The following ZBTB21 variants were observed in gnomAD, a reference collection of about 807,000 sequenced individuals.
The protein encoded by ZBTB21 is zinc finger and BTB domain-containing protein 21.
Under a neutral mutation model 39.8 loss-of-function variants are expected in ZBTB21, and 10 were observed. The observed-to-expected ratio is 0.25, with a 90% CI of 0.16 to 0.43. The LOEUF (loss-of-function observed/expected upper bound fraction) is 0.43, where lower values mean the gene tolerates loss of function less well. ZBTB21 is among the 20% of genes least tolerant of loss of function. ZBTB21 has a pLI of 1.00. For synonymous variants in ZBTB21, 551 were observed against 498.8 expected, an observed-to-expected ratio of 1.10 and a Z score of -1.40; for missense variants, 1,221 against 1,296.3, an observed-to-expected ratio of 0.94 and a Z score of 0.89.
chr21:42,008,368 A>AAAAAAAAAAAAC (rs34519332), intron 1 of ZBTB21, among the ~76,000 whole-genome samples: 1 of 146,780 alleles, frequency 6.8e-6, no homozygotes. Flanking sequence ...AAAAAAAAAA[A>AAAAAAAAAAAAC]TTAGCTGGGC....
chr21:41,993,688 A>C lies in ZBTB21; in HGVS notation c.408T>G (p.Phe136Leu). 1 of 1,614,100 alleles carries C rather than the reference A, an allele frequency of 6.2e-7. No homozygotes were observed. The highest frequency in any genetic ancestry group is 8.5e-7 in the Non-Finnish European group (1 of 1,180,028). Reference protein sequence around the residue: ...FPTCPNRKKVFVEDDENSSQK... With the variant: ...FPTCPNRKKVLVEDDENSSQK... ...GAGAACTGTTTTCATCATCTTCTAC[A>C]AACACTTTTTTTCTATTAGGACACG... Residue 136 changes from phenylalanine (F) to leucine (L), a missense_variant, in exon 3 of 3, where the codon TTT becomes TTG. By Grantham distance (22) the Phe-to-Leu change is conservative (BLOSUM62 0). Around this residue, in one of 4 missense-constraint regions of ZBTB21, gnomAD observed 500 missense variants for 465.6 expected, o/e 1.07. Coordinates refer to ENST00000310826, the MANE Select transcript of ZBTB21 (RefSeq NM_001098402.2).
rs1183822195 is a variant in ZBTB21 at position 42,010,352 on chromosome 21, T to G, written c.-179A>C. Reference sequence around the variant, plus strand: ...CCGCTGTGATTCCATCCATCTTGAATTTGACGTCATCCCACACCAGGGATG... The same window carrying G: ...CCGCTGTGATTCCATCCATCTTGAAGTTGACGTCATCCCACACCAGGGATG... On this transcript the variant is annotated 5_prime_UTR_variant, in exon 1 of 3. Coordinates refer to ENST00000310826, the MANE Select transcript of ZBTB21 (RefSeq NM_001098402.2). 1.8e-5 allele frequency: 7 copies of G among 396,136 alleles called. No individual in the cohort carries two copies. The highest frequency in any genetic ancestry group is 3.1e-5 in the Non-Finnish European group (7 of 224,616). 24.5% of individuals were successfully genotyped at this position (396,136 alleles called of 1,614,324 possible).
intron 2 of ZBTB21, among the ~76,000 whole-genome samples, chr21:41,994,358 T>C (rs1457079051): frequency 6.6e-6 from 1 of 152,136 alleles, no homozygotes; most frequent in East Asian, 1.9e-4. Context: ...TTGTATATCA[T>C]CAAAAAGGCT....
In ZBTB21 at chr21:41,993,191, C is replaced by A. The variant is rs201785777; in HGVS notation, c.905G>T (p.Gly302Val). The part of the protein sequence containing the change: ...LKETNKGNGQ[G>V]EDRNLLYYSK... ...ATAGTACAACAAGTTTCTATCTTCA[C>A]CTTGACCATTTCCTTTGTTAGTTTC... Residue 302 changes from glycine to valine, a missense_variant, in exon 3 of 3, where the codon GGT (glycine) becomes GTT (valine). By Grantham distance (109) the Gly-to-Val change is moderately radical. Around this residue, in one of 4 missense-constraint regions of ZBTB21, gnomAD observed 500 missense variants for 465.6 expected, o/e 1.07. Transcript: ENST00000310826. 10 of 1,613,370 alleles carry A rather than the reference C, an allele frequency of 6.2e-6. No individual in the cohort carries two copies. The Admixed American group carries it at 1.7e-4, about 27-fold the overall frequency.
Position 41,991,854 on chromosome 21 carries a change from C to T in ZBTB21, c.2242G>A (p.Ala748Thr). ...GSHERLCRNA[A>T]VCPYCSLRFF... Reference sequence around the variant, plus strand: ...CTGAGGCTGCAGTAAGGGCAGACGGCCGCGTTCCGGCACAGCCGCTCGTGG... The same window carrying T: ...CTGAGGCTGCAGTAAGGGCAGACGGTCGCGTTCCGGCACAGCCGCTCGTGG... The change falls in exon 3 of 3, where the codon GCC becomes ACC. Residue 748 changes from alanine to threonine, a missense_variant. Coordinates refer to ENST00000310826, the MANE Select transcript of ZBTB21 (RefSeq NM_001098402.2). This position sits in a 1 kb window ranked among gnomAD's most constrained non-coding sequence, Gnocchi z 4.9. 6.2e-7 allele frequency: 1 copy of T among 1,614,186 alleles called. No homozygotes were observed. The highest frequency in any genetic ancestry group is 8.5e-7 in the Non-Finnish European group (1 of 1,180,050).
At chr21:42,009,914 C>T (rs1422716686) in intron 1 of ZBTB21, among the ~76,000 whole-genome samples, 1 of 152,174 alleles carries the variant, frequency 6.6e-6, no homozygotes, top group East Asian at 1.9e-4. Flanking sequence ...CTGGGCCAGG[C>T]GTGTCCCCTA....
intron 1 of ZBTB21, among the ~76,000 whole-genome samples, chr21:42,003,360 G>A (rs529346273): frequency 6.6e-6 from 1 of 152,326 alleles, no homozygotes; most frequent in South Asian, 2.1e-4. Context: ...TTGTTCTCCT[G>A]TAGCTCACAT....
intron 1 of ZBTB21, among the ~76,000 whole-genome samples, chr21:42,006,308 G>A (rs1176159233): frequency 3.3e-5 from 5 of 151,810 alleles, no homozygotes; most frequent in East Asian, 1.9e-4. Context: ...CCAGCTACTC[G>A]AGAGGCTGAG....
chr21:42,002,633 C>T (rs1312352339), intron 2 of ZBTB21: 2 of 152,214 alleles, frequency 1.3e-5, no homozygotes, highest in African/African-American at 2.4e-5. Context: ...GTAATCAGGG[C>T]CTCCGACTTA....
In ZBTB21 at chr21:42,010,136, AGAG is replaced by A. The variant is rs1441324890; in HGVS notation, c.-79+113_-79+115del. The A allele has an allele frequency of 3.9e-5, 15 of 388,932 alleles. No homozygotes were observed. In the East Asian group the frequency reaches 4.0e-4, roughly 10 times the overall value. The allele number at this position is 388,932 out of a possible 1,614,324, so 24.1% of individuals were successfully genotyped here. ...CCCGCAACCCGCTGGTGGAGAAAAA[AGAG>A]GAGAGAAATCACCTCAGAGTTACGT... On this transcript the variant is annotated intron_variant, in intron 1 of 2. Coordinates refer to ENST00000310826, the MANE Select transcript of ZBTB21 (RefSeq NM_001098402.2).
intron 1 of ZBTB21, among the ~76,000 whole-genome samples, chr21:42,004,122 C>T (rs1433511228): frequency 1.6e-4 from 25 of 151,880 alleles, no homozygotes; most frequent in Admixed American, 1.6e-3. Context: ...GTCTCAGCCT[C>T]CTGAGTAGCT....
rs1353801572 is a variant in ZBTB21, at chr21:41,993,637, T to C, written c.459A>G (p.Gln153=). Residue 153 remains glutamine (Q), a synonymous_variant, in exon 3 of 3, where the codon CAA becomes CAG. Coordinates refer to ENST00000310826, the MANE Select transcript of ZBTB21 (RefSeq NM_001098402.2). Reference sequence around the variant, plus strand: ...TTTTTCCTTGCGCTTCGTTTCTACTTTGACAAACAATGACACTTCTCTTTT... The same window carrying C: ...TTTTTCCTTGCGCTTCGTTTCTACTCTGACAAACAATGACACTTCTCTTTT... ...SSQKRSVIVC[Q]SRNEAQGKTV... 1.2e-6 allele frequency: 2 copies of C among 1,614,254 alleles called. No individual in the cohort carries two copies. Among genetic ancestry groups the C allele is most frequent in the Non-Finnish European group, 1.7e-6 (2 of 1,180,044 alleles).
At chr21:42,005,584 T>C (rs1382751773) in intron 1 of ZBTB21, among the ~76,000 whole-genome samples, 1 of 152,234 alleles carries the variant, frequency 6.6e-6, no homozygotes, top group Admixed American at 6.5e-5. Context: ...TTTCTGTTCT[T>C]GTTATTAAAG....
At chr21:42,006,548 C>T (rs2065881351) in intron 1 of ZBTB21, among the ~76,000 whole-genome samples, 1 of 152,138 alleles carries the variant, frequency 6.6e-6, no homozygotes, top group Admixed American at 6.5e-5. Flanking sequence ...ACTCCCCAAT[C>T]TGGAAAGTCC....
At position 41,990,149 on chromosome 21, in the gene ZBTB21, A is replaced by G. The variant is rs990162919; in HGVS notation, c.*746T>C. On this transcript the variant is annotated 3_prime_UTR_variant, in exon 3 of 3. Transcript: ENST00000310826. ...GGTACAAGTTTTTATAACAATGTCT[A>G]TCACTACTGAAGCCCTTATAAACTG... 1.3e-5 allele frequency: 2 copies of G among 152,426 alleles called. No homozygotes were observed. Among genetic ancestry groups the G allele is most frequent in the African/African-American group, 4.8e-5 (2 of 41,464 alleles). 9.4% of individuals were successfully genotyped at this position (152,426 alleles called of 1,614,324 possible). A position where few individuals can be genotyped will look rare whatever the true frequency, so the allele number is the denominator to read the frequency against.
intron 1 of ZBTB21, among the ~76,000 whole-genome samples, chr21:42,003,798 T>C (rs1050060644): frequency 1.3e-5 from 2 of 152,218 alleles, no homozygotes; most frequent in Non-Finnish European, 2.9e-5. Context: ...ATTCTTTACA[T>C]TTCTACTATA....
At chr21:42,001,579 G>A (rs2065818285) in intron 2 of ZBTB21, among the ~76,000 whole-genome samples, 1 of 152,234 alleles carries the variant, frequency 6.6e-6, no homozygotes, top group African/African-American at 2.4e-5. Flanking sequence ...TGGAGGCCAG[G>A]AAGGGCGTTC....
Position 41,992,048 on chromosome 21 carries a change from G to A in ZBTB21, c.2048C>T (p.Ser683Phe). The change falls in exon 3 of 3, where the codon TCT becomes TTT. Residue 683 changes from serine to phenylalanine, a missense_variant. Ser to Phe is a radical substitution (Grantham distance 155). Coordinates refer to ENST00000310826, the MANE Select transcript of ZBTB21 (RefSeq NM_001098402.2). The surrounding 1 kb of genome is among the most constrained non-coding windows in gnomAD (Gnocchi z 4.1). ...CATTTTTATATGCTGCTTAAATTGA[G>A]AGAGAAAGCGGTACGCTTTTCCGCA... ...TYCGKAYRFL[S>F]QFKQHIKMHP... 6.2e-7 allele frequency: 1 copy of A among 1,614,238 alleles called. No individual in the cohort carries two copies. The highest frequency in any genetic ancestry group is 8.5e-7 in the Non-Finnish European group (1 of 1,180,048).
chr21:41,988,264 A>G lies in ZBTB21; in HGVS notation c.*2631T>C, dbSNP rs1024077402. 3.3e-5 allele frequency: 5 copies of G among 152,228 alleles called. No individual in the cohort carries two copies. The highest frequency in any genetic ancestry group is 2.1e-4 in the South Asian group (1 of 4,836). The allele number at this position is 152,228 out of a possible 1,614,324, so 9.4% of individuals were successfully genotyped here. A position where few individuals can be genotyped will look rare whatever the true frequency, so the allele number is the denominator to read the frequency against. ...CAAAGAATATATTAAAACATTTTAC[A>G]TTCTTTCCACAACTGCATAAAAAAG... On this transcript the variant is annotated 3_prime_UTR_variant, in exon 3 of 3. Coordinates refer to ENST00000310826, the MANE Select transcript of ZBTB21 (RefSeq NM_001098402.2).
Sources: allele counts gnomAD v4.1 joint callset (sites outside exome capture counted in the v4.1 genomes callset), GRCh38; gene constraint gnomAD v4.1.1; regional missense constraint gnomAD v4.1.1; non-coding constraint Gnocchi (gnomAD v3.1); transcripts MANE v1.5; gene names NCBI Gene and HGNC (gene_info 2026-07-23, HGNC 2026-07-21).